The following ASTN2 variants were observed in gnomAD, a reference collection of about 807,000 sequenced individuals.
ASTN2 encodes astrotactin-2.
A neutral mutation model predicts 139.8 loss-of-function variants in ASTN2; 54 were observed. That is an observed-to-expected ratio of 0.39 (90% CI 0.31 to 0.48). The LOEUF (loss-of-function observed/expected upper bound fraction) is 0.48, where lower values mean the gene tolerates loss of function less well. Ranked by LOEUF, ASTN2 falls within the 20% of genes least tolerant of loss-of-function variation. ASTN2 has a pLI of 0.95. For synonymous variants in ASTN2, 756 were observed against 719.5 expected, an observed-to-expected ratio of 1.05 and a Z score of -0.81; for missense variants, 1,565 against 1,725.1, an observed-to-expected ratio of 0.91 and a Z score of 1.64.
intron 3 of ASTN2, among the ~76,000 whole-genome samples, chr9:117,191,227 CAAAA>C (rs35328157): frequency 3.2e-5 from 2 of 62,486 alleles, no homozygotes; most frequent in Non-Finnish European, 3.4e-5. Context: ...TACAAAATAG[CAAAA>C]AAAAAAAAAA....
rs207470523 is a variant in ASTN2, at chr9:116,620,532, C to T, written c.3073-89G>A. The T allele has an allele frequency of 4.3e-5, 67 of 1,547,130 alleles. No homozygotes were observed. In the Admixed American group the frequency reaches 5.4e-4, roughly 12 times the overall value. ...TGCTGATGGCCATGATGTGAGCCAT[C>T]GAGGGCTTTAGAGTAGCCCCTTTAA... On this transcript the variant is annotated intron_variant, in intron 17 of 22. Coordinates refer to ENST00000313400, the MANE Select transcript of ASTN2 (RefSeq NM_001365068.1).
chr9:117,028,103 G>T (rs1401126043), intron 6 of ASTN2, among the ~76,000 whole-genome samples: 4 of 152,134 alleles, frequency 2.6e-5, no homozygotes, highest in Non-Finnish European at 4.4e-5. Context: ...CAGAATCTAA[G>T]TCTGGCCCTG....
chr9:116,484,128 T>A (rs1027212269), intron 20 of ASTN2, among the ~76,000 whole-genome samples: 2 of 152,142 alleles, frequency 1.3e-5, no homozygotes, highest in Non-Finnish European at 2.9e-5. Context: ...AAGGACCAGT[T>A]CCTCCAGAGC....
At chr9:116,693,979 G>A (rs1262965483) in intron 16 of ASTN2, among the ~76,000 whole-genome samples, 1 of 152,142 alleles carries the variant, frequency 6.6e-6, no homozygotes, top group Admixed American at 6.5e-5. Flanking sequence ...GGGAAAAGTG[G>A]TTCTGGCTTT....
intron 10 of ASTN2, among the ~76,000 whole-genome samples, chr9:116,937,372 G>T (rs1835110291): frequency 6.6e-6 from 1 of 152,164 alleles, no homozygotes; most frequent in African/African-American, 2.4e-5. Flanking sequence ...GAACATGTTA[G>T]ATATTGCATC....
intron 19 of ASTN2, among the ~76,000 whole-genome samples, chr9:116,558,987 C>T (rs1485262275): frequency 1.3e-5 from 2 of 152,164 alleles, no homozygotes; most frequent in Non-Finnish European, 2.9e-5. Context: ...TTAGAACATA[C>T]CAGTCAGCAA....
chr9:117,205,846 T>C (rs973168578), intron 3 of ASTN2, among the ~76,000 whole-genome samples: 1 of 152,224 alleles, frequency 6.6e-6, no homozygotes, highest in Admixed American at 6.5e-5. Flanking sequence ...TGTGCCTTTG[T>C]TGCATTTGTC....
chr9:117,134,321 C>G (rs1219099936), intron 4 of ASTN2, among the ~76,000 whole-genome samples: 1 of 148,056 alleles, frequency 6.8e-6, no homozygotes, highest in Non-Finnish European at 1.5e-5. Context: ...CACACACACA[C>G]ACACACACAC....
At chr9:116,851,888 C>A (rs986029151) in intron 11 of ASTN2, among the ~76,000 whole-genome samples, 3 of 152,084 alleles carry the variant, frequency 2.0e-5, no homozygotes, top group Admixed American at 1.3e-4. Context: ...GCAGTGTCTT[C>A]CCCCTCTGGA....
intron 19 of ASTN2, among the ~76,000 whole-genome samples, chr9:116,615,633 C>G (rs1855806562): frequency 6.6e-6 from 1 of 151,070 alleles, no homozygotes; most frequent in South Asian, 2.1e-4. Context: ...GGACAGAAAA[C>G]CAAACACCGC....
At chr9:117,028,684 G>A (rs185908501) in intron 6 of ASTN2, among the ~76,000 whole-genome samples, 9 of 152,228 alleles carry the variant, frequency 5.9e-5, no homozygotes, top group Non-Finnish European at 1.2e-4. Flanking sequence ...CAACTTGTGG[G>A]CTCAGCTGTT....
intron 13 of ASTN2, among the ~76,000 whole-genome samples, chr9:116,753,451 T>C (rs570164921): frequency 5.3e-4 from 81 of 152,326 alleles, no homozygotes; most frequent in South Asian, 1.0e-3. Flanking sequence ...TACATGATAT[T>C]ATGCATTTGT....
chr9:117,035,585 C>T (rs1564394954), intron 6 of ASTN2, among the ~76,000 whole-genome samples: 1 of 152,148 alleles, frequency 6.6e-6, no homozygotes, highest in Non-Finnish European at 1.5e-5. Context: ...TGATTCTACT[C>T]CCCTTCATAT....
chr9:117,404,625 GGAGTACT>G (rs1347570096), intron 1 of ASTN2, among the ~76,000 whole-genome samples: 1 of 152,188 alleles, frequency 6.6e-6, no homozygotes, highest in African/African-American at 2.4e-5. Flanking sequence ...ATGATGCTAA[GGAGTACT>G]GAGTGGAAAA....
intron 17 of ASTN2, among the ~76,000 whole-genome samples, chr9:116,650,230 A>C (rs986280463): frequency 2.0e-5 from 3 of 152,182 alleles, no homozygotes; most frequent in Non-Finnish European, 4.4e-5. Context: ...TGCCTCATTG[A>C]AATAGTGGCA....
At chr9:117,148,778 T>C (rs1369660875) in intron 3 of ASTN2, among the ~76,000 whole-genome samples, 1 of 152,180 alleles carries the variant, frequency 6.6e-6, no homozygotes, top group Non-Finnish European at 1.5e-5. Flanking sequence ...ATCAATAAAA[T>C]TGGAGTAAAG....
intron 3 of ASTN2, among the ~76,000 whole-genome samples, chr9:117,203,858 T>C (rs1386134449): frequency 6.6e-6 from 1 of 152,176 alleles, no homozygotes; most frequent in African/African-American, 2.4e-5. Flanking sequence ...GAAGGGCTCA[T>C]TTAATGAAGC....
intron 16 of ASTN2, among the ~76,000 whole-genome samples, chr9:116,657,906 G>C (rs1005736131): frequency 6.5e-5 from 6 of 92,770 alleles, no homozygotes; most frequent in Non-Finnish European, 1.1e-4. Context: ...TTTTTTTTTT[G>C]AGATGGAGTC....
chr9:116,503,256 G>C (rs1849965315), intron 19 of ASTN2, among the ~76,000 whole-genome samples: 1 of 152,018 alleles, frequency 6.6e-6, no homozygotes, highest in Non-Finnish European at 1.5e-5. Flanking sequence ...ATGCCCTTGA[G>C]TGACCAGGGA....
Sources: allele counts gnomAD v4.1 joint callset (sites outside exome capture counted in the v4.1 genomes callset), GRCh38; gene constraint gnomAD v4.1.1; transcripts MANE v1.5; gene names NCBI Gene and HGNC (gene_info 2026-07-23, HGNC 2026-07-21).